C15orf39: variants seen among roughly 807,000 people sequenced by gnomAD.
C15orf39 encodes PRMT2 interacting protein.
C15orf39 carries 24 observed loss-of-function variants against 53.9 expected under a neutral mutation model. The ratio of observed to expected loss-of-function variants is 0.45; its 90% CI spans 0.32 to 0.63. The LOEUF (loss-of-function observed/expected upper bound fraction) is 0.63. C15orf39 is among the 20% of genes least tolerant of loss of function. The pLI is 0.04. For missense variants in C15orf39, 1,271 were observed against 1,347.9 expected (o/e 0.94, Z 0.89); for synonymous variants, 569 against 576.5 (o/e 0.99, Z 0.19).
At position 75,208,484 on chromosome 15, in the gene C15orf39, G is replaced by GGGGCTGCTGGCC. The variant is rs769820204; in HGVS notation, c.2437_2448dup (p.Gly813_Ala816dup). The GGGGCTGCTGGCC allele has an allele frequency of 1.3e-6, 2 of 1,596,848 alleles. No homozygotes were observed. The highest frequency in any genetic ancestry group is 1.7e-6 in the Non-Finnish European group (2 of 1,175,226). On this transcript the variant is annotated inframe_insertion, in exon 2 of 3. Transcript: ENST00000394987. ...CGTGGCAGGACTGCCAGGGTGTGCA[G>GGGGCTGCTGGCC]GGGCTGCTGGCCAAGCTGCTGTCTC... is the stretch of plus-strand genomic sequence containing the variant.
chr15:75,207,151 C>T lies in C15orf39; in HGVS notation c.1103C>T (p.Pro368Leu), dbSNP rs777512345. The T allele has an allele frequency of 1.2e-6, 2 of 1,613,930 alleles. No individual in the cohort carries two copies. The highest frequency in any genetic ancestry group is 1.7e-6 in the Non-Finnish European group (2 of 1,180,010). The change falls in exon 2 of 3, where the codon CCA becomes CTA. Residue 368 changes from proline (P) to leucine (L), a missense_variant. By Grantham distance (98) the Pro-to-Leu change is moderately conservative. Transcript: ENST00000394987. ...KLEPPLTPRCPLDFAPQTLSF... is the reference protein window; with the variant it reads ...KLEPPLTPRCLLDFAPQTLSF... Reference sequence around the variant, plus strand: ...GAGCCGCCTCTCACTCCACGGTGCCCATTGGACTTTGCCCCCCAGACACTG... The same window carrying T: ...GAGCCGCCTCTCACTCCACGGTGCCTATTGGACTTTGCCCCCCAGACACTG...
chr15:75,210,710 G>A (rs747133516), intron 2 of C15orf39, 39 bp from the exon 3 acceptor site: 10 of 1,563,694 alleles, frequency 6.4e-6, no homozygotes, highest in Non-Finnish European at 8.7e-6. Context: ...GGACCTGAGG[G>A]TATGGGGTCT....
Position 75,208,542 on chromosome 15 carries a change from C to T in C15orf39, c.2494C>T (p.Pro832Ser). 1.3e-6 allele frequency: 2 copies of T among 1,575,006 alleles called. No individual in the cohort carries two copies. The highest frequency in any genetic ancestry group is 1.7e-6 in the Non-Finnish European group (2 of 1,161,618). ...LQRFDRTHRCPFPHVVRAGAI... is the reference protein window; with the variant it reads ...LQRFDRTHRCSFPHVVRAGAI... ...GCGCTTCGATCGCACCCACCGGTGCCCCTTCCCCCATGTGGTGCGAGCTGG... is the reference window on the plus strand; with the variant it reads ...GCGCTTCGATCGCACCCACCGGTGCTCCTTCCCCCATGTGGTGCGAGCTGG... The change falls in exon 2 of 3, where the codon CCC becomes TCC. Residue 832 changes from proline to serine, a missense_variant. Coordinates refer to ENST00000394987, the MANE Select transcript of C15orf39 (RefSeq NM_015492.5).
At position 75,208,206 on chromosome 15, in the gene C15orf39, G is replaced by T. The variant is rs1567140105; in HGVS notation, c.2158G>T (p.Ala720Ser). Residue 720 changes from alanine (A) to serine (S), a missense_variant, in exon 2 of 3, where the codon GCC (alanine) becomes TCC (serine). By Grantham distance (99) the Ala-to-Ser change is moderately conservative. Transcript: ENST00000394987. ...TCCAGCCGTAGCTGTGGCCTCCCCT[G>T]CCCCTGCTCCAGCTCCATCCCCTGC... ...SPPAVAVASP[A>S]PAPAPSPAPA... 3 of 1,613,556 alleles carry T rather than the reference G, an allele frequency of 1.9e-6. No individual in the cohort carries two copies. Among genetic ancestry groups the T allele is most frequent in the Admixed American group, 1.7e-5 (1 of 59,964 alleles).
In C15orf39 at chr15:75,211,219, T is replaced by A. The variant is rs2070481362; in HGVS notation, c.*103T>A. ...GAGTGGATGCTGGGGCTGTGGCTGC[T>A]CCCCTGGAGGGGTTCCATCTCTGAC... On this transcript the variant is annotated 3_prime_UTR_variant, in exon 3 of 3. Transcript: ENST00000394987. 1.2e-5 allele frequency: 18 copies of A among 1,455,146 alleles called. No individual in the cohort carries two copies. In the South Asian group the frequency reaches 2.2e-4, roughly 18 times the overall value. 90.1% of individuals were successfully genotyped at this position (1,455,146 alleles called of 1,614,324 possible). A position where few individuals can be genotyped will look rare whatever the true frequency, so the allele number is the denominator to read the frequency against.
rs1595956515 is a variant in C15orf39 at position 75,208,969 on chromosome 15, C to G, written c.2776+145C>G. The G allele has an allele frequency of 2.9e-6, 4 of 1,357,450 alleles. No individual in the cohort carries two copies. The East Asian group carries it at 1.0e-4, about 35-fold the overall frequency. 84.1% of individuals were successfully genotyped at this position (1,357,450 alleles called of 1,614,324 possible). A position where few individuals can be genotyped will look rare whatever the true frequency, so the allele number is the denominator to read the frequency against. On this transcript the variant is annotated intron_variant, in intron 2 of 2. Transcript: ENST00000394987. ...GGGCTTTAGGATGAGCTCTAGGTAC[C>G]CCCACCCCTTGACCCTCCAGACAAT...
At chr15:75,208,970 C>A in intron 2 of C15orf39, 146 bp downstream of exon 2, 1 of 1,354,638 alleles carries the variant, frequency 7.4e-7, no homozygotes, top group Non-Finnish European at 9.7e-7. Flanking sequence ...TCTAGGTACC[C>A]CCACCCCTTG....
chr15:75,202,173 C>G (rs1489680881), intron 1 of C15orf39, 114 bp downstream of exon 1: 1 of 152,070 alleles, frequency 6.6e-6, no homozygotes, highest in East Asian at 1.9e-4. Context: ...GGCCCGGGGA[C>G]TGAGGGAGCC....
rs1242469478 is a variant in C15orf39, at chr15:75,208,165, T to C, written c.2117T>C (p.Leu706Pro). ...CCCTTGTCTGTGACCTGCTTCAGCC[T>C]GGCACTGCCCAGCCCTCCAGCCGTA... ...QQPLSVTCFS[L>P]ALPSPPAVAV... The change falls in exon 2 of 3, where the codon CTG becomes CCG. Residue 706 changes from leucine to proline, a missense_variant. By Grantham distance (98) the Leu-to-Pro change is moderately conservative (BLOSUM62 -3). Around this residue, in one of 2 missense-constraint regions of C15orf39, gnomAD observed 994 missense variants for 993.7 expected, o/e 1.00. Coordinates refer to ENST00000394987, the MANE Select transcript of C15orf39 (RefSeq NM_015492.5). 6.2e-7 allele frequency: 1 copy of C among 1,613,844 alleles called. No homozygotes were observed. The highest frequency in any genetic ancestry group is 1.3e-5 in the African/African-American group (1 of 74,918).
rs143384793 is a variant in C15orf39 at position 75,211,008 on chromosome 15, C to T, written c.3036C>T (p.Thr1012=). ...CCCGCTTCCGCAGTCTGCTGGAGAC[C>T]GCCTGGCTCAATGGCCTGGCTCTGC... The part of the protein sequence containing the change: ...LKARFRSLLE[T]AWLNGLALPT... Residue 1012 remains threonine, a synonymous_variant, in exon 3 of 3, where the codon ACC becomes ACT. Coordinates refer to ENST00000394987, the MANE Select transcript of C15orf39 (RefSeq NM_015492.5). 169 of 1,612,010 alleles carry T rather than the reference C, an allele frequency of 1.0e-4. No individual in the cohort carries two copies. Among genetic ancestry groups the T allele is most frequent in the East Asian group, 1.8e-4 (8 of 44,886 alleles).
chr15:75,199,475 GT>G (rs2070388931), upstream of C15orf39, among the ~76,000 whole-genome samples: 1 of 152,226 alleles, frequency 6.6e-6, no homozygotes. Context: ...TGCCTGTAGA[GT>G]AGCTGCCAGC....
At chr15:75,199,548 GGT>G (rs1433143258), upstream of C15orf39, among the ~76,000 whole-genome samples, 1 of 152,242 alleles carries the variant, frequency 6.6e-6, no homozygotes, top group Non-Finnish European at 1.5e-5. Flanking sequence ...GTAAATAGCA[GGT>G]GTGGCCTCAT....
chr15:75,203,283 G>C (rs1044476154), intron 1 of C15orf39, among the ~76,000 whole-genome samples: 6 of 152,220 alleles, frequency 3.9e-5, no homozygotes, highest in Admixed American at 3.9e-4. Flanking sequence ...TCTTCTCCGG[G>C]ACCCTGGCCT....
At position 75,206,600 on chromosome 15, in the gene C15orf39, G is replaced by A; in HGVS notation, c.552G>A (p.Gln184=). The A allele has an allele frequency of 6.2e-6, 10 of 1,613,874 alleles. No homozygotes were observed. The highest frequency in any genetic ancestry group is 8.5e-6 in the Non-Finnish European group (10 of 1,179,924). ...CSLAPAPSKG[Q]TLDGTFLRGV... ...TGGCCCCAGCTCCTAGCAAGGGCCA[G>A]ACTCTGGATGGCACCTTCTTGCGGG... The change falls in exon 2 of 3, where the codon CAG becomes CAA. Residue 184 remains glutamine, a synonymous_variant. Coordinates refer to ENST00000394987, the MANE Select transcript of C15orf39 (RefSeq NM_015492.5).
intron 2 of C15orf39, chr15:75,209,192 T>C: frequency 4.3e-6 from 1 of 230,796 alleles, no homozygotes; most frequent in Non-Finnish European, 8.6e-6. Flanking sequence ...ATTTCCCTGA[T>C]CTCCAGCCTA....
chr15:75,206,861 A>G lies in C15orf39; in HGVS notation c.813A>G (p.Pro271=). 1 of 265,966 alleles carries G rather than the reference A, an allele frequency of 3.8e-6. No individual in the cohort carries two copies. 16.5% of individuals were successfully genotyped at this position (265,966 alleles called of 1,614,324 possible). A position where few individuals can be genotyped will look rare whatever the true frequency, so the allele number is the denominator to read the frequency against. The change falls in exon 2 of 3, where the codon CCA becomes CCG. Residue 271 remains proline, a synonymous_variant. Coordinates refer to ENST00000394987, the MANE Select transcript of C15orf39 (RefSeq NM_015492.5). ...ACACCGGGCCCACCCACTACCCACC[A>G]CCCCACCACCCACCACCCCACCCTC... ...CQDTGPTHYP[P]PHHPPPHPPQ...
chr15:75,206,143 C>T lies in C15orf39; in HGVS notation c.95C>T (p.Pro32Leu), dbSNP rs1317009007. Residue 32 changes from proline to leucine, a missense_variant, in exon 2 of 3, where the codon CCC becomes CTC. Physicochemically the swap from Pro to Leu is moderately conservative, Grantham distance 98 (BLOSUM62 -3). Transcript: ENST00000394987. Reference protein sequence around the residue: ...ETDSGLEHSLPHSVGNQDPCT... With the variant: ...ETDSGLEHSLLHSVGNQDPCT... ...GACTCCGGGCTCGAGCACAGCCTGC[C>T]CCACTCTGTTGGTAACCAGGATCCC... 4 of 1,613,850 alleles carry T rather than the reference C, an allele frequency of 2.5e-6. No individual in the cohort carries two copies. The highest frequency in any genetic ancestry group is 3.4e-6 in the Non-Finnish European group (4 of 1,179,962).
rs1045291811 is a variant in C15orf39 at position 75,201,918 on chromosome 15, A to C, written c.-192A>C. 6.6e-6 allele frequency: 1 copy of C among 151,178 alleles called. No individual in the cohort carries two copies. The highest frequency in any genetic ancestry group is 1.5e-5 in the Non-Finnish European group (1 of 67,746). 9.4% of individuals were successfully genotyped at this position (151,178 alleles called of 1,614,324 possible). A position where few individuals can be genotyped will look rare whatever the true frequency, so the allele number is the denominator to read the frequency against. ...AGCGGCGGCGCGAACGGCAGCTAGG[A>C]GGGTTGCTCCGGGCTTGGTGCTCAC... On this transcript the variant is annotated 5_prime_UTR_variant, in exon 1 of 3. Transcript: ENST00000394987. This position sits in a 1 kb window ranked among gnomAD's most constrained non-coding sequence, Gnocchi z 4.7.
At position 75,207,346 on chromosome 15, in the gene C15orf39, C is replaced by T; in HGVS notation, c.1298C>T (p.Ala433Val). 1 of 1,613,436 alleles carries T rather than the reference C, an allele frequency of 6.2e-7. No homozygotes were observed. The highest frequency in any genetic ancestry group is 8.5e-7 in the Non-Finnish European group (1 of 1,180,024). Residue 433 changes from alanine to valine, a missense_variant, in exon 2 of 3, where the codon GCA becomes GTA. Ala to Val is a moderately conservative substitution (Grantham distance 64). Coordinates refer to ENST00000394987, the MANE Select transcript of C15orf39 (RefSeq NM_015492.5). ...SQPCSEPVRP[A>V]QEAEEKTWLP... is the part of the protein sequence containing the mutation. ...CCCTGCTCAGAGCCTGTGAGGCCTG[C>T]ACAGGAAGCCGAAGAGAAGACCTGG...
Sources: allele counts gnomAD v4.1 joint callset (sites outside exome capture counted in the v4.1 genomes callset), GRCh38; gene constraint gnomAD v4.1.1; regional missense constraint gnomAD v4.1.1; non-coding constraint Gnocchi (gnomAD v3.1); transcripts MANE v1.5; gene names NCBI Gene and HGNC (gene_info 2026-07-23, HGNC 2026-07-21).